DCC: variants seen among roughly 807,000 people sequenced by gnomAD.
DCC encodes DCC netrin 1 receptor, also known as netrin receptor DCC.
In DCC, 58 loss-of-function variants were observed where a neutral mutation model predicts 172.5. The ratio of observed to expected loss-of-function variants is 0.34; its 90% CI spans 0.27 to 0.42. DCC has a LOEUF of 0.42. Ranked by LOEUF, DCC falls within the 10% of genes least tolerant of loss-of-function variation. The pLI is 1.00. For missense variants in DCC, 1,740 were observed against 1,791.0 expected (o/e 0.97, Z 0.51); for synonymous variants, 709 against 644.5 (o/e 1.10, Z -1.52).
At chr18:53,114,533 G>T (rs1190800131) in intron 7 of DCC, among the ~76,000 whole-genome samples, 1 of 151,508 alleles carries the variant, frequency 6.6e-6, no homozygotes, top group Non-Finnish European at 1.5e-5. Flanking sequence ...GAAAACAGTT[G>T]CGATGTTATT....
rs1313263284 is a variant in DCC, at chr18:52,705,624, G to GA, written c.92-46424dup. Among the ~76,000 whole-genome samples, 3 of 152,222 alleles carry GA rather than the reference G, an allele frequency of 2.0e-5. No individual in the cohort carries two copies. In the South Asian group the frequency reaches 6.2e-4, roughly 32 times the overall value. The stretch of plus-strand genomic sequence containing the variant: ...GGGGTTCTTTGGACTGTGTCCAGTA[G>GA]AAAAAACAGTAGACTAGAGATCTAA... On this transcript the variant is annotated intron_variant, in intron 1 of 28. Coordinates refer to ENST00000442544, the MANE Select transcript of DCC (RefSeq NM_005215.4).
Position 53,410,508 on chromosome 18 carries a change from G to A in DCC, c.2992G>A (p.Glu998Lys). ...CATCCCAATTGATGACTGGATTATG[G>A]AAACAATCAGTGGTGATAGGCTTAC... The part of the protein sequence containing the change: ...KNIPIDDWIM[E>K]TISGDRLTHQ... Residue 998 changes from glutamate (E) to lysine (K), a missense_variant, in exon 20 of 29, where the codon GAA becomes AAA. By Grantham distance (56) the Glu-to-Lys change is moderately conservative. Around this residue, in one of 2 missense-constraint regions of DCC, gnomAD observed 1,732 missense variants for 1,767.4 expected, o/e 0.98. Transcript: ENST00000442544. 6 of 1,609,306 alleles carry A rather than the reference G, an allele frequency of 3.7e-6. No homozygotes were observed. Among genetic ancestry groups the A allele is most frequent in the Non-Finnish European group, 5.1e-6 (6 of 1,175,700 alleles).
At chr18:52,765,188 C>A (rs2037225287) in intron 2 of DCC, among the ~76,000 whole-genome samples, 1 of 145,296 alleles carries the variant, frequency 6.9e-6, no homozygotes, top group African/African-American at 2.6e-5. Context: ...CATGTGCTAG[C>A]ACTCCTGGCT....
chr18:52,617,347 A>T (rs767787024), intron 1 of DCC, among the ~76,000 whole-genome samples: 2 of 152,182 alleles, frequency 1.3e-5, no homozygotes, highest in African/African-American at 2.4e-5. Context: ...AGGAGATGAC[A>T]TTATCTATAG....
At chr18:52,999,250 CTG>C (rs951907929) in intron 5 of DCC, among the ~76,000 whole-genome samples, 2 of 151,966 alleles carry the variant, frequency 1.3e-5, no homozygotes, top group African/African-American at 4.8e-5. Context: ...ATGCTTCTAA[CTG>C]TAAAACAGCA....
chr18:53,269,856 T>A (rs2056728462), intron 12 of DCC, among the ~76,000 whole-genome samples: 1 of 152,178 alleles, frequency 6.6e-6, no homozygotes, highest in African/African-American at 2.4e-5. Flanking sequence ...TCCGATAAGA[T>A]GAGTGTTTCC....
intron 1 of DCC, among the ~76,000 whole-genome samples, chr18:52,611,132 AC>A (rs200712516): frequency 1.3e-5 from 2 of 150,610 alleles, no homozygotes; most frequent in Non-Finnish European, 3.0e-5. Context: ...ACCTTCAGTG[AC>A]CCCCCCCTCC....
At chr18:52,576,185 T>C (rs926584596) in intron 1 of DCC, among the ~76,000 whole-genome samples, 1 of 152,198 alleles carries the variant, frequency 6.6e-6, no homozygotes, top group Non-Finnish European at 1.5e-5. Flanking sequence ...TTTCCTTTGC[T>C]AGACGCCATT....
chr18:52,454,610 G>C (rs561257197), intron 1 of DCC, among the ~76,000 whole-genome samples: 1 of 152,204 alleles, frequency 6.6e-6, no homozygotes, highest in East Asian at 1.9e-4. Flanking sequence ...TAGGAAGCTT[G>C]ACCCTCACCT....
intron 26 of DCC, among the ~76,000 whole-genome samples, chr18:53,493,004 T>A (rs762936060): frequency 6.6e-6 from 1 of 152,166 alleles, no homozygotes; most frequent in Non-Finnish European, 1.5e-5. Flanking sequence ...CCTTGAGCAG[T>A]GGTTTGTAGT....
At chr18:52,457,665 G>A (rs1448818249) in intron 1 of DCC, among the ~76,000 whole-genome samples, 1 of 152,150 alleles carries the variant, frequency 6.6e-6, no homozygotes, top group Non-Finnish European at 1.5e-5. Context: ...AAGATGGTGA[G>A]AGTGAGAAGA....
At chr18:53,158,028 T>A (rs182755050) in intron 8 of DCC, among the ~76,000 whole-genome samples, 12 of 152,214 alleles carry the variant, frequency 7.9e-5, no homozygotes, top group Non-Finnish European at 1.6e-4. Context: ...GGATGCCCCA[T>A]TTACCCTGAT....
chr18:53,093,189 A>G (rs777048592), intron 7 of DCC, among the ~76,000 whole-genome samples: 61 of 152,134 alleles, frequency 4.0e-4, no homozygotes, highest in Non-Finnish European at 8.2e-4. Context: ...AGGCAGGAGA[A>G]TCACTTGAAC....
At chr18:53,130,276 A>C (rs1458231234) in intron 7 of DCC, among the ~76,000 whole-genome samples, 1 of 152,074 alleles carries the variant, frequency 6.6e-6, no homozygotes, top group African/African-American at 2.4e-5. Flanking sequence ...TCTCCTAAAG[A>C]GCAGCTTTTT....
At chr18:52,761,715 T>C (rs899764294) in intron 2 of DCC, among the ~76,000 whole-genome samples, 1 of 151,952 alleles carries the variant, frequency 6.6e-6, no homozygotes, top group African/African-American at 2.4e-5. Flanking sequence ...AGTTTCCTGT[T>C]AAAAGACAGA....
chr18:52,861,631 A>G (rs541902110), intron 2 of DCC, among the ~76,000 whole-genome samples: 2 of 151,956 alleles, frequency 1.3e-5, no homozygotes, highest in South Asian at 4.2e-4. Context: ...CAAAATATAA[A>G]AAAGAATCAT....
chr18:52,803,578 GA>G (rs2038033400), intron 2 of DCC, among the ~76,000 whole-genome samples: 1 of 152,130 alleles, frequency 6.6e-6, no homozygotes, highest in East Asian at 1.9e-4. Flanking sequence ...TATACATTTA[GA>G]GTATAACTTA....
intron 15 of DCC, among the ~76,000 whole-genome samples, chr18:53,369,923 T>A (rs1449656426): frequency 6.6e-6 from 1 of 151,896 alleles, no homozygotes; most frequent in Non-Finnish European, 1.5e-5. Flanking sequence ...AGCTCTCTTT[T>A]TTTATAGTGT....
chr18:53,036,477 T>C (rs1422254258), intron 5 of DCC, among the ~76,000 whole-genome samples: 2 of 152,166 alleles, frequency 1.3e-5, no homozygotes, highest in Middle Eastern at 3.4e-3. Context: ...GCCACACCTA[T>C]GTATATCTGA....
Sources: allele counts gnomAD v4.1 joint callset (sites outside exome capture counted in the v4.1 genomes callset), GRCh38; gene constraint gnomAD v4.1.1; regional missense constraint gnomAD v4.1.1; transcripts MANE v1.5; gene names NCBI Gene and HGNC (gene_info 2026-07-23, HGNC 2026-07-21).